Variants in RAD51B observed in about 807,000 individuals in gnomAD.
RAD51B encodes the protein RAD51 paralog B, also known as DNA repair protein RAD51 homolog 2.
In RAD51B, 38 loss-of-function variants were observed where a neutral mutation model predicts 42.2. The observed-to-expected ratio is 0.90, with a 90% CI of 0.70 to 1.18. RAD51B has a LOEUF of 1.18. RAD51B is among the 50% of genes most tolerant of loss of function. The probability of loss-of-function intolerance (pLI) is 0.00; values close to 1 mark genes in which losing one functional copy is unlikely to be tolerated. For synonymous variants in RAD51B, 154 were observed against 145.2 expected (o/e 1.06, Z -0.43); for missense variants, 373 against 400.7 (o/e 0.93, Z 0.59).
downstream of RAD51B, among the ~76,000 whole-genome samples, chr14:68,479,667 CTTTTTT>C (rs34999023): frequency 6.2e-5 from 6 of 96,440 alleles, no homozygotes; most frequent in African/African-American, 1.6e-4. Context: ...TCTTATTCTT[CTTTTTT>C]TTTTTTTTTT....
In RAD51B at chr14:67,881,343, G is replaced by T. The variant is rs137994444; in HGVS notation, c.453-4526G>T. Among the ~76,000 whole-genome samples the T allele has an allele frequency of 3.5e-3, 530 of 152,250 alleles. 1 individual carries two copies. Among genetic ancestry groups the T allele is most frequent in the Admixed American group, 7.9e-3 (121 of 15,292 alleles). On this transcript the variant is annotated intron_variant, in intron 5 of 10. Transcript: ENST00000471583. ...TTTATTCTTCACCTTGTGTAAACCC[G>T]AACTGTTCTCACCCTGTGTGGGCAC... is the stretch of plus-strand genomic sequence containing the variant.
intron 7 of RAD51B, among the ~76,000 whole-genome samples, chr14:68,047,649 T>C (rs2076324146): frequency 6.6e-6 from 1 of 152,218 alleles, no homozygotes; most frequent in South Asian, 2.1e-4. Context: ...GTAATTATAA[T>C]GTGCCAGGCA....
At chr14:68,516,907 C>T (rs1360745732) in intron 10 of RAD51B, among the ~76,000 whole-genome samples, 2 of 152,190 alleles carry the variant, frequency 1.3e-5, no homozygotes, top group Non-Finnish European at 2.9e-5. Flanking sequence ...ATGGCAGATA[C>T]AGGTTTCTAA....
At chr14:67,950,111 A>G (rs1481125604) in intron 7 of RAD51B, among the ~76,000 whole-genome samples, 1 of 152,148 alleles carries the variant, frequency 6.6e-6, no homozygotes, top group Non-Finnish European at 1.5e-5. Context: ...AAAGTTGCCA[A>G]CTGCATTAGC....
At chr14:68,009,398 G>A (rs2075647109) in intron 7 of RAD51B, among the ~76,000 whole-genome samples, 1 of 151,816 alleles carries the variant, frequency 6.6e-6, no homozygotes, top group African/African-American at 2.4e-5. Flanking sequence ...AGAAATAACA[G>A]CACTATCATT....
At chr14:68,392,885 C>T (rs1249480776) in intron 8 of RAD51B, among the ~76,000 whole-genome samples, 1 of 152,214 alleles carries the variant, frequency 6.6e-6, no homozygotes, top group East Asian at 1.9e-4. Context: ...CCGAGAAAAT[C>T]CTGCCCTGTC....
At chr14:67,918,737 C>A (rs1215255322) in intron 7 of RAD51B, among the ~76,000 whole-genome samples, 3 of 152,144 alleles carry the variant, frequency 2.0e-5, no homozygotes, top group African/African-American at 4.8e-5. Flanking sequence ...TCAAAACTAA[C>A]ACTGGAAGCT....
chr14:67,974,074 G>A (rs935190608), intron 7 of RAD51B, among the ~76,000 whole-genome samples: 4 of 151,996 alleles, frequency 2.6e-5, no homozygotes. Flanking sequence ...GAAATAATAT[G>A]GGTTCAGGAT....
At chr14:68,175,911 C>T (rs749519051) in intron 7 of RAD51B, among the ~76,000 whole-genome samples, 25 of 152,206 alleles carry the variant, frequency 1.6e-4, no homozygotes, top group Non-Finnish European at 3.1e-4. Flanking sequence ...TATATATGCA[C>T]TTCCTAGAAT....
At position 68,545,105 on chromosome 14, in the gene RAD51B, A is replaced by G. The variant is rs1255783881; in HGVS notation, c.1037-49380A>G. On this transcript the variant is annotated intron_variant, in intron 10 of 10. Transcript: ENST00000487270. Reference sequence around the variant, plus strand: ...AGGGACAGGCTTAGCCCTAGAACCAACTCATGATCTAGATGAGTTTCTGTT... The same window carrying G: ...AGGGACAGGCTTAGCCCTAGAACCAGCTCATGATCTAGATGAGTTTCTGTT... Among the ~76,000 whole-genome samples the G allele has an allele frequency of 7.2e-5, 11 of 152,328 alleles. No homozygotes were observed. In the East Asian group the frequency reaches 2.1e-3, roughly 29 times the overall value.
At chr14:67,931,766 G>A (rs374335873) in intron 7 of RAD51B, among the ~76,000 whole-genome samples, 1 of 152,138 alleles carries the variant, frequency 6.6e-6, no homozygotes. Context: ...GCCTCCCAAA[G>A]TGCTGGGATT....
At chr14:68,362,674 C>T (rs532839267) in intron 8 of RAD51B, among the ~76,000 whole-genome samples, 3 of 152,104 alleles carry the variant, frequency 2.0e-5, no homozygotes, top group Non-Finnish European at 4.4e-5. Context: ...AGGGTGAAAC[C>T]CCGTCTCTAC....
intron 10 of RAD51B, among the ~76,000 whole-genome samples, chr14:68,571,684 G>T (rs550745426): frequency 6.6e-6 from 1 of 152,252 alleles, no homozygotes; most frequent in East Asian, 1.9e-4. Context: ...ATGTTTATAG[G>T]CTTCAGGAAA....
chr14:68,673,676 CAT>C (rs1244461168), intron 11 of RAD51B, among the ~76,000 whole-genome samples: 3 of 149,428 alleles, frequency 2.0e-5, no homozygotes, highest in African/African-American at 4.9e-5. Context: ...TGTGCACACA[CAT>C]ATGTATATGT....
intron 10 of RAD51B, among the ~76,000 whole-genome samples, chr14:68,645,579 T>A (rs984705198): frequency 6.6e-6 from 1 of 152,252 alleles, no homozygotes; most frequent in African/African-American, 2.4e-5. Context: ...ACTGCCATAC[T>A]GTTTTCCACA....
At chr14:68,446,778 T>C (rs1405593952) in intron 9 of RAD51B, among the ~76,000 whole-genome samples, 2 of 152,108 alleles carry the variant, frequency 1.3e-5, no homozygotes, top group African/African-American at 4.8e-5. Context: ...AATATAAGAT[T>C]ATGAGGCCAT....
At chr14:68,022,176 A>G (rs529396604) in intron 7 of RAD51B, among the ~76,000 whole-genome samples, 5 of 152,280 alleles carry the variant, frequency 3.3e-5, no homozygotes, top group Admixed American at 1.3e-4. Context: ...AAGTGAGAAC[A>G]TGTATTGTTT....
chr14:68,038,144 T>C (rs936415294), intron 7 of RAD51B, among the ~76,000 whole-genome samples: 2 of 152,242 alleles, frequency 1.3e-5, no homozygotes, highest in Non-Finnish European at 2.9e-5. Flanking sequence ...CTCTGAGTGG[T>C]TTACTTCAGT....
chr14:68,419,371 T>C (rs921661988), intron 9 of RAD51B, among the ~76,000 whole-genome samples: 2 of 151,922 alleles, frequency 1.3e-5, no homozygotes, highest in Non-Finnish European at 2.9e-5. Context: ...GCAGGTGATA[T>C]ATTTATATCT....
Sources: allele counts gnomAD v4.1 joint callset (sites outside exome capture counted in the v4.1 genomes callset), GRCh38; gene constraint gnomAD v4.1.1; transcripts MANE v1.5; gene names NCBI Gene and HGNC (gene_info 2026-07-23, HGNC 2026-07-21).